Variants in ERI1 observed in about 807,000 individuals in gnomAD.
ERI1 encodes the protein exoribonuclease 1.
Under a neutral mutation model 39.7 loss-of-function variants are expected in ERI1, and 39 were observed. The ratio of observed to expected loss-of-function variants is 0.98; its 90% CI spans 0.76 to 1.28. The LOEUF is 1.28. Ranked by LOEUF, ERI1 falls within the 50% of genes most tolerant of loss-of-function variation. The pLI, the probability that ERI1 is intolerant of heterozygous loss-of-function variation, is 0.00. For synonymous variants in ERI1, 204 were observed against 149.6 expected, an observed-to-expected ratio of 1.36 and a Z score of -2.65; for missense variants, 581 against 416.9, an observed-to-expected ratio of 1.39 and a Z score of -3.43.
rs938497823 is a variant in ERI1 at position 9,008,263 on chromosome 8, A to G, written c.287+115A>G. ...AATCCTACCGTAATGACATGATCCT[A>G]TTAACAGTTCACAAAAACTAATTAA... On this transcript the variant is annotated intron_variant, in intron 2 of 6. Transcript: ENST00000250263. The G allele has an allele frequency of 1.6e-5, 15 of 925,342 alleles. No individual in the cohort carries two copies. In the South Asian group the frequency reaches 3.3e-4, roughly 20 times the overall value. The allele number at this position is 925,342 out of a possible 1,614,324, so 57.3% of individuals were successfully genotyped here.
At chr8:9,083,895 G>A (rs574574838) in intron 3 of ERI1, among the ~76,000 whole-genome samples, 17 of 152,070 alleles carry the variant, frequency 1.1e-4, no homozygotes, top group African/African-American at 3.6e-4. Context: ...CTGGGTTCAC[G>A]CCATTCTCCA....
intron 3 of ERI1, among the ~76,000 whole-genome samples, chr8:9,012,480 A>G (rs1816771964): frequency 6.6e-6 from 1 of 152,216 alleles, no homozygotes; most frequent in African/African-American, 2.4e-5. Context: ...AGTAAGTATA[A>G]AAAGGTTTTG....
chr8:9,084,612 G>A lies in ERI1; in HGVS notation n.300-31736G>A, dbSNP rs186413179. Among the ~76,000 whole-genome samples the A allele has an allele frequency of 3.3e-4, 50 of 152,300 alleles. 1 individual carries two copies. The highest frequency in any genetic ancestry group is 3.3e-3 in the East Asian group (17 of 5,184). On this transcript the variant is annotated intron_variant and non_coding_transcript_variant, in intron 3 of 3. Coordinates refer to the ERI1 transcript ENST00000518663. ...ACTAGGACTCGGGCTTGGAGGAAGC[G>A]GGAGGGGTTGGGTGCATGCCATCAG...
At chr8:9,093,922 C>T (rs2117485829) in intron 3 of ERI1, among the ~76,000 whole-genome samples, 1 of 152,254 alleles carries the variant, frequency 6.6e-6, no homozygotes, top group East Asian at 1.9e-4. Flanking sequence ...CTAGGTGTGA[C>T]TTTTACAGGA....
At chr8:9,006,814 C>T (rs1371827298) in intron 1 of ERI1, among the ~76,000 whole-genome samples, 1 of 152,108 alleles carries the variant, frequency 6.6e-6, no homozygotes, top group Non-Finnish European at 1.5e-5. Context: ...TGGCACCTTA[C>T]CTAGCATTAC....
intron 3 of ERI1, among the ~76,000 whole-genome samples, chr8:9,040,505 G>A (rs1797982295): frequency 6.6e-6 from 1 of 152,080 alleles, no homozygotes; most frequent in African/African-American, 2.4e-5. Context: ...GGATGCCACG[G>A]TTTTGCTTTT....
At chr8:9,022,445 G>C (rs751132693) in intron 6 of ERI1, among the ~76,000 whole-genome samples, 2 of 152,138 alleles carry the variant, frequency 1.3e-5, no homozygotes, top group Non-Finnish European at 2.9e-5. Flanking sequence ...CTGTTGCCCA[G>C]GTTGGAGTGC....
downstream of ERI1, among the ~76,000 whole-genome samples, chr8:9,038,038 C>G (rs921209398): frequency 1.4e-4 from 22 of 152,022 alleles, no homozygotes; most frequent in Admixed American, 7.9e-4. Flanking sequence ...GAAAAGGAAA[C>G]TGTACCTATT....
intron 3 of ERI1, among the ~76,000 whole-genome samples, chr8:9,088,169 C>T (rs1484938360): frequency 6.6e-6 from 1 of 151,934 alleles, no homozygotes; most frequent in Admixed American, 6.6e-5. Context: ...GCCTTCTAAC[C>T]CCGAAGAAAG....
downstream of ERI1, among the ~76,000 whole-genome samples, chr8:9,035,812 C>G (rs1443334104): frequency 6.6e-6 from 1 of 152,172 alleles, no homozygotes; most frequent in Non-Finnish European, 1.5e-5. Flanking sequence ...CAGTTGAAAA[C>G]CTTCTGGAAA....
At chr8:9,081,698 T>G (rs1799375061) in intron 3 of ERI1, among the ~76,000 whole-genome samples, 1 of 123,678 alleles carries the variant, frequency 8.1e-6, no homozygotes, top group South Asian at 2.3e-4. Flanking sequence ...TTGTTTTTTT[T>G]TGGTTTTTGT....
In ERI1 at chr8:9,061,318, C is replaced by G. The variant is rs143345842; in HGVS notation, n.299+40854C>G. ...GTGGTATCCAGAATAATGTGGGAGG[C>G]CAGATTGAAGTCCGGGCCAGGAACA... On this transcript the variant is annotated intron_variant and non_coding_transcript_variant, in intron 3 of 3. Transcript: ENST00000518663. 6.0e-3 allele frequency among the ~76,000 whole-genome samples: 919 copies of G among 152,114 alleles called. 3 individuals are homozygous for G. The highest frequency in any genetic ancestry group is 8.9e-3 in the Non-Finnish European group (604 of 68,006).
intron 3 of ERI1, among the ~76,000 whole-genome samples, chr8:9,043,824 A>G (rs1289119418): frequency 1.3e-5 from 2 of 152,220 alleles, no homozygotes; most frequent in Non-Finnish European, 2.9e-5. Flanking sequence ...AGTAGCTGGG[A>G]CTACAGGCCA....
chr8:9,076,537 G>A (rs956297974), intron 3 of ERI1, among the ~76,000 whole-genome samples: 2 of 152,196 alleles, frequency 1.3e-5, no homozygotes, highest in Non-Finnish European at 2.9e-5. Flanking sequence ...TCCCAATAAA[G>A]TTACCCAGTA....
At chr8:9,066,642 G>A (rs1189649450) in intron 3 of ERI1, among the ~76,000 whole-genome samples, 4 of 152,154 alleles carry the variant, frequency 2.6e-5, no homozygotes, top group African/African-American at 9.7e-5. Context: ...AGTTATGAGT[G>A]CCGGTCATTG....
intron 3 of ERI1, among the ~76,000 whole-genome samples, chr8:9,068,828 G>T (rs1798963284): frequency 6.6e-6 from 1 of 151,948 alleles, no homozygotes. Flanking sequence ...TTTTATTATT[G>T]GTTTTTGAGA....
intron 3 of ERI1, among the ~76,000 whole-genome samples, chr8:9,097,874 C>T (rs1799927190): frequency 6.6e-6 from 1 of 151,936 alleles, no homozygotes. Context: ...CCCAAATGCC[C>T]GTCAATCAAA....
chr8:9,035,465 CTA>C (rs1004972687), downstream of ERI1, among the ~76,000 whole-genome samples: 6 of 152,060 alleles, frequency 3.9e-5, no homozygotes, highest in African/African-American at 1.4e-4. Context: ...TGCCTGTGCT[CTA>C]TAAAGGGAAC....
chr8:9,079,186 C>A (rs184155646), intron 3 of ERI1, among the ~76,000 whole-genome samples: 122 of 152,206 alleles, frequency 8.0e-4, no homozygotes, highest in Admixed American at 7.7e-3. Context: ...AGGCTATTTA[C>A]TGAAAATTGC....
Sources: gnomAD v4.1 joint callset for allele counts (sites outside exome capture counted in the v4.1 genomes callset) on GRCh38, gnomAD v4.1.1 for gene constraint, MANE v1.5 for transcripts, NCBI Gene and HGNC (gene_info 2026-07-23, HGNC 2026-07-21) for gene names.